CLEC2B: variants seen among roughly 807,000 people sequenced by gnomAD.
The protein encoded by CLEC2B is C-type lectin domain family 2 member B.
CLEC2B carries 14 observed loss-of-function variants against 16.2 expected under a neutral mutation model. The ratio of observed to expected loss-of-function variants is 0.86; its 90% confidence interval spans 0.57 to 1.35. The LOEUF (loss-of-function observed/expected upper bound fraction) is 1.35. CLEC2B is among the 40% of genes most tolerant of loss of function. The pLI, the probability that CLEC2B is intolerant of heterozygous loss-of-function variation, is 0.00. For missense variants in CLEC2B, 166 were observed against 182.3 expected (o/e 0.91, Z 0.52); for synonymous variants, 42 against 55.8 (o/e 0.75, Z 1.10).
intron 4 of CLEC2B, 91 bp downstream of exon 4, chr12:9,854,290 C>G: frequency 1.3e-6 from 1 of 770,636 alleles, no homozygotes; most frequent in South Asian, 1.8e-5. Flanking sequence ...GTGCAAAACT[C>G]TTGGGCTCTA....
intron 1 of CLEC2B, 138 bp from the exon 2 acceptor site, chr12:9,862,711 AT>A: frequency 1.4e-6 from 1 of 730,934 alleles, no homozygotes; most frequent in Non-Finnish European, 1.9e-6. Flanking sequence ...ATATCCTAGA[AT>A]TCAAATATGA....
intron 3 of CLEC2B, among the ~76,000 whole-genome samples, chr12:9,855,244 A>T (rs1867886723): frequency 6.6e-6 from 1 of 152,058 alleles, no homozygotes; most frequent in Non-Finnish European, 1.5e-5. Flanking sequence ...AGATCACACC[A>T]CTATGGTCAA....
chr12:9,864,008 C>A (rs1867951998), intron 1 of CLEC2B, among the ~76,000 whole-genome samples: 1 of 151,870 alleles, frequency 6.6e-6, no homozygotes, highest in Non-Finnish European at 1.5e-5. Context: ...ATAGAATAAT[C>A]AAACTCTCAA....
At chr12:9,865,747 A>G (rs553412165) in intron 1 of CLEC2B, among the ~76,000 whole-genome samples, 4 of 152,196 alleles carry the variant, frequency 2.6e-5, no homozygotes, top group Admixed American at 6.5e-5. Context: ...AACAGACCAC[A>G]TTGTAGGCCA....
chr12:9,856,081 T>C (rs11833550), intron 3 of CLEC2B, among the ~76,000 whole-genome samples: 23,209 of 152,070 alleles, frequency 0.15, 1,860 homozygotes, highest in African/African-American at 0.18. Flanking sequence ...CTGATACATT[T>C]GAAGATTTCT....
chr12:9,865,180 C>CAAAAAAAAAAAAAAAAAAAAGAAAA (rs1867961413), intron 1 of CLEC2B, among the ~76,000 whole-genome samples: 1 of 99,104 alleles, frequency 1.0e-5, no homozygotes. Flanking sequence ...AAGACTCTCT[C>CAAAAAAAAAAAAAAAAAAAAGAAAA]AAAAAAAAAA....
intron 2 of CLEC2B, among the ~76,000 whole-genome samples, chr12:9,860,297 A>G (rs1867923769): frequency 6.6e-6 from 1 of 151,738 alleles, no homozygotes; most frequent in Admixed American, 6.6e-5. Flanking sequence ...AGTTAACTAT[A>G]GCAAATTTGT....
At chr12:9,865,628 G>A (rs1273544159) in intron 1 of CLEC2B, among the ~76,000 whole-genome samples, 1 of 152,076 alleles carries the variant, frequency 6.6e-6, no homozygotes, top group Non-Finnish European at 1.5e-5. Flanking sequence ...AATCAACAAG[G>A]AATATTGGAG....
chr12:9,868,462 A>T (rs1381432037), intron 1 of CLEC2B, among the ~76,000 whole-genome samples: 1 of 152,074 alleles, frequency 6.6e-6, no homozygotes, highest in Non-Finnish European at 1.5e-5. Flanking sequence ...ATTTAGTTAA[A>T]CGGGAAATGC....
intron 2 of CLEC2B, among the ~76,000 whole-genome samples, chr12:9,861,502 TTAAGC>T (rs1469927153): frequency 6.6e-6 from 1 of 152,148 alleles, no homozygotes; most frequent in African/African-American, 2.4e-5. Context: ...TAAAATACAC[TTAAGC>T]TAATCTATGC....
At chr12:9,857,427 G>A in intron 3 of CLEC2B, 47 bp downstream of exon 3, 8 of 1,383,596 alleles carry the variant, frequency 5.8e-6, no homozygotes, top group Non-Finnish European at 8.2e-6. Flanking sequence ...TATTTCTAAT[G>A]CTCCGACTCA....
chr12:9,863,248 T>C (rs951150731), intron 1 of CLEC2B, among the ~76,000 whole-genome samples: 4 of 152,088 alleles, frequency 2.6e-5, no homozygotes, highest in African/African-American at 9.7e-5. Flanking sequence ...TAAGGCACCA[T>C]GTAGTCATAA....
chr12:9,853,569 A>T (rs1356251180), intron 4 of CLEC2B, among the ~76,000 whole-genome samples, 161 bp from the exon 5 acceptor site: 2 of 152,212 alleles, frequency 1.3e-5, no homozygotes, highest in Admixed American at 6.5e-5. Flanking sequence ...GGATCAAAAG[A>T]GTTTCTTTTC....
chr12:9,868,428 C>T (rs912202244), intron 1 of CLEC2B, among the ~76,000 whole-genome samples: 1 of 151,924 alleles, frequency 6.6e-6, no homozygotes, highest in African/African-American at 2.4e-5. Context: ...TTTTTTTGAC[C>T]GTAGCATACG....
rs1367108045 is a variant in CLEC2B at position 9,854,804 on chromosome 12, A to G, written c.238-320T>C. ...CAAGTTTGAAATTGAGCTCTCGCAC[A>G]GCATTTCCAATTACCACATATTTAT... is the stretch of plus-strand genomic sequence containing the variant. On this transcript the variant is annotated intron_variant, in intron 3 of 4. Transcript: ENST00000228438. 4 of 412,432 alleles carry G rather than the reference A, an allele frequency of 9.7e-6. No individual in the cohort carries two copies. In the East Asian group the frequency reaches 1.6e-4, roughly 17 times the overall value. The allele number at this position is 412,432 out of a possible 1,614,324, so 25.5% of individuals were successfully genotyped here.
intron 3 of CLEC2B, among the ~76,000 whole-genome samples, chr12:9,856,106 T>C (rs1867892959): frequency 6.6e-6 from 1 of 152,142 alleles, no homozygotes; most frequent in South Asian, 2.1e-4. Context: ...AGTTCAAAAC[T>C]AATTATTTTT....
At chr12:9,864,263 A>T (rs886993121) in intron 1 of CLEC2B, among the ~76,000 whole-genome samples, 9 of 152,156 alleles carry the variant, frequency 5.9e-5, no homozygotes, top group African/African-American at 2.2e-4. Flanking sequence ...ACAAAAACTG[A>T]GAGAATTCAC....
chr12:9,863,236 G>T (rs1023985202), intron 1 of CLEC2B, among the ~76,000 whole-genome samples: 1 of 151,430 alleles, frequency 6.6e-6, no homozygotes, highest in African/African-American at 2.4e-5. Flanking sequence ...GCAAACCTGG[G>T]TTAAGGCACC....
intron 2 of CLEC2B, 83 bp downstream of exon 2, chr12:9,862,416 T>G: frequency 8.2e-7 from 1 of 1,213,304 alleles, no homozygotes; most frequent in Non-Finnish European, 1.1e-6. Flanking sequence ...AATGAGATAC[T>G]GAGAAAAGAT....
Sources: gnomAD v4.1 joint callset for allele counts (sites outside exome capture counted in the v4.1 genomes callset) on GRCh38, gnomAD v4.1.1 for gene constraint, MANE v1.5 for transcripts, NCBI Gene and HGNC (gene_info 2026-07-23, HGNC 2026-07-21) for gene names.